JPH3: variants seen among roughly 807,000 people sequenced by gnomAD.
JPH3 encodes junctophilin-3.
Under a neutral mutation model 59.6 loss-of-function variants are expected in JPH3, and 11 were observed. That is an observed-to-expected ratio of 0.18 (90% CI 0.12 to 0.31). The LOEUF (loss-of-function observed/expected upper bound fraction) is 0.31, where lower values mean the gene tolerates loss of function less well. Ranked by LOEUF, JPH3 falls within the 10% of genes least tolerant of loss-of-function variation. The pLI is 1.00. For missense variants in JPH3, 1,202 were observed against 1,105.7 expected, an observed-to-expected ratio of 1.09 and a Z score of -1.24; for synonymous variants, 673 against 483.6, an observed-to-expected ratio of 1.39 and a Z score of -5.14.
intron 3 of JPH3, among the ~76,000 whole-genome samples, chr16:87,687,407 C>T (rs892463732): frequency 1.3e-5 from 2 of 152,166 alleles, no homozygotes; most frequent in East Asian, 1.9e-4. Context: ...GAGTGGCTGG[C>T]GCCAGCCTCT....
intron 1 of JPH3, among the ~76,000 whole-genome samples, chr16:87,614,058 C>T (rs998050359): frequency 2.0e-5 from 3 of 152,178 alleles, no homozygotes; most frequent in Non-Finnish European, 4.4e-5. Context: ...GGGGCCCTGC[C>T]CCAGGTCTCA....
chr16:87,657,453 C>T (rs1019494807), intron 2 of JPH3, among the ~76,000 whole-genome samples: 1 of 152,178 alleles, frequency 6.6e-6, no homozygotes, highest in African/African-American at 2.4e-5. Flanking sequence ...AGGGCGACGA[C>T]AGTACCCTGC....
chr16:87,629,533 G>A (rs560672836), intron 1 of JPH3, among the ~76,000 whole-genome samples: 27 of 152,204 alleles, frequency 1.8e-4, no homozygotes, highest in Middle Eastern at 6.8e-3. Flanking sequence ...AGCAAACAGC[G>A]GTGACGACGC....
intron 1 of JPH3, among the ~76,000 whole-genome samples, chr16:87,641,412 C>G (rs1220398876): frequency 6.6e-6 from 1 of 152,188 alleles, no homozygotes; most frequent in Non-Finnish European, 1.5e-5. Context: ...GGTTAGCTGC[C>G]TCCCCAAGCA....
intron 2 of JPH3, among the ~76,000 whole-genome samples, chr16:87,662,204 TTC>T (rs1358298941): frequency 1.3e-5 from 2 of 152,168 alleles, no homozygotes; most frequent in Non-Finnish European, 2.9e-5. Flanking sequence ...CTGCTGCTGT[TTC>T]TCTGTGACTT....
rs142264581 is a variant in JPH3 at position 87,679,529 on chromosome 16, C to G, written c.1161-4613C>G. ...GGAGAGACTGTTACCTAAGTTTCCT[C>G]CCCTTGAGCTGTTGGAGCTCTTCTT... is the stretch of plus-strand genomic sequence containing the variant. On this transcript the variant is annotated intron_variant, in intron 2 of 4. Transcript: ENST00000284262. Among the ~76,000 whole-genome samples the G allele has an allele frequency of 6.4e-3, 975 of 152,374 alleles. 9 individuals are homozygous for G. Among genetic ancestry groups the G allele is most frequent in the African/African-American group, 0.023 (945 of 41,592 alleles).
At chr16:87,660,405 G>C (rs2150858726) in intron 2 of JPH3, among the ~76,000 whole-genome samples, 1 of 152,160 alleles carries the variant, frequency 6.6e-6, no homozygotes, top group South Asian at 2.1e-4. Flanking sequence ...GGAGTGAAAG[G>C]GGCCTCCCCA....
At chr16:87,664,688 G>A (rs1218964416) in intron 2 of JPH3, among the ~76,000 whole-genome samples, 1 of 152,238 alleles carries the variant, frequency 6.6e-6, no homozygotes, top group Admixed American at 6.5e-5. Context: ...GGTGGAACAG[G>A]AGCTCCACGG....
chr16:87,651,827 A>G (rs1370067290), intron 2 of JPH3, among the ~76,000 whole-genome samples: 9 of 152,296 alleles, frequency 5.9e-5, no homozygotes, highest in Middle Eastern at 3.2e-3. Flanking sequence ...AATTTAGTTG[A>G]TAAAACAGCA....
At position 87,602,743 on chromosome 16, in the gene JPH3, T is replaced by A; in HGVS notation, c.-404T>A. 8.0e-6 allele frequency: 1 copy of A among 125,600 alleles called. No individual in the cohort carries two copies. The highest frequency in any genetic ancestry group is 7.6e-5 in the Admixed American group (1 of 13,170). 7.8% of individuals were successfully genotyped at this position (125,600 alleles called of 1,614,324 possible). On this transcript the variant is annotated 5_prime_UTR_variant, in exon 1 of 5. The change abolishes the stop of an existing upstream ORF in the 5' untranslated region. Coordinates refer to ENST00000284262, the MANE Select transcript of JPH3 (RefSeq NM_020655.4). ...CAGGTGGGGGGCCGCGGCCCGGGCC[T>A]GAGCTGCCCCCCGCCCGGCCTCGGC...
chr16:87,648,013 G>A (rs1364993477), intron 2 of JPH3, among the ~76,000 whole-genome samples: 1 of 152,188 alleles, frequency 6.6e-6, no homozygotes, highest in Non-Finnish European at 1.5e-5. Context: ...CCCTGTAGTG[G>A]CCTCGGCGTG....
chr16:87,616,496 C>T (rs1017486055), intron 1 of JPH3, among the ~76,000 whole-genome samples: 2 of 151,808 alleles, frequency 1.3e-5, no homozygotes, highest in African/African-American at 4.8e-5. Context: ...GTGATCCGCC[C>T]ACCTCGGCCT....
intron 2 of JPH3, among the ~76,000 whole-genome samples, chr16:87,677,832 G>C (rs1375885354): frequency 6.6e-6 from 1 of 152,244 alleles, no homozygotes; most frequent in Non-Finnish European, 1.5e-5. Context: ...CACAATCACA[G>C]AATTGTGTAA....
chr16:87,660,009 C>T (rs1412574754), intron 2 of JPH3, among the ~76,000 whole-genome samples: 1 of 152,140 alleles, frequency 6.6e-6, no homozygotes, highest in African/African-American at 2.4e-5. Context: ...CTTTCCTTGT[C>T]CCTGTCACTC....
intron 2 of JPH3, among the ~76,000 whole-genome samples, chr16:87,678,180 G>A (rs2033197890): frequency 1.3e-5 from 2 of 152,198 alleles, no homozygotes; most frequent in Admixed American, 6.5e-5. Flanking sequence ...GTTCAAGACT[G>A]TGGTGAGCAG....
chr16:87,635,800 C>T (rs994128214), intron 1 of JPH3, among the ~76,000 whole-genome samples: 14 of 152,204 alleles, frequency 9.2e-5, no homozygotes, highest in East Asian at 3.9e-4. Context: ...CTTCCTCTCT[C>T]AGTGTTTGGG....
chr16:87,632,320 C>G (rs2031589812), intron 1 of JPH3, among the ~76,000 whole-genome samples: 2 of 152,228 alleles, frequency 1.3e-5, no homozygotes, highest in East Asian at 3.8e-4. Flanking sequence ...CCTCCTCTGC[C>G]TGGTGGGCTT....
intron 2 of JPH3, among the ~76,000 whole-genome samples, chr16:87,645,617 G>C (rs1044466062): frequency 1.3e-5 from 2 of 152,214 alleles, no homozygotes; most frequent in Non-Finnish European, 2.9e-5. Flanking sequence ...CATGACTTAC[G>C]GAATTTGGGG....
At chr16:87,665,019 C>A (rs559787317) in intron 2 of JPH3, among the ~76,000 whole-genome samples, 2 of 152,376 alleles carry the variant, frequency 1.3e-5, no homozygotes, top group African/African-American at 4.8e-5. Context: ...CTGTTTGCTC[C>A]CGTTTGACAA....
Sources: gnomAD v4.1 joint callset for allele counts (sites outside exome capture counted in the v4.1 genomes callset) on GRCh38, gnomAD v4.1.1 for gene constraint, MANE v1.5 for transcripts, NCBI Gene and HGNC (gene_info 2026-07-23, HGNC 2026-07-21) for gene names.